The following RAD51B variants were observed in gnomAD, a reference collection of about 807,000 sequenced individuals.
RAD51B encodes RAD51 paralog B.
In RAD51B, 38 loss-of-function variants were observed where a neutral mutation model predicts 42.2. The observed-to-expected ratio is 0.90, with a 90% CI of 0.70 to 1.18. The LOEUF (loss-of-function observed/expected upper bound fraction) is 1.18, where lower values mean the gene tolerates loss of function less well. Ranked by LOEUF, RAD51B falls within the 50% of genes most tolerant of loss-of-function variation. RAD51B has a pLI of 0.00. For synonymous variants in RAD51B, 154 were observed against 145.2 expected (o/e 1.06, Z -0.43); for missense variants, 373 against 400.7 (o/e 0.93, Z 0.59).
At chr14:67,957,817 G>GTA (rs1341875606) in intron 7 of RAD51B, among the ~76,000 whole-genome samples, 7 of 152,112 alleles carry the variant, frequency 4.6e-5, no homozygotes, top group Non-Finnish European at 1.0e-4. Context: ...TTTCGTAAAT[G>GTA]TATACCTTTG....
At chr14:68,557,976 C>A (rs990889766) in intron 10 of RAD51B, among the ~76,000 whole-genome samples, 2 of 152,098 alleles carry the variant, frequency 1.3e-5, no homozygotes, top group Non-Finnish European at 2.9e-5. Flanking sequence ...TTCCTGTGTA[C>A]CACTAAAGCA....
At chr14:68,328,066 A>G (rs976526985) in intron 8 of RAD51B, among the ~76,000 whole-genome samples, 1 of 151,964 alleles carries the variant, frequency 6.6e-6, no homozygotes, top group African/African-American at 2.4e-5. Context: ...TTCCCTTCCT[A>G]TATACCTCAG....
intron 5 of RAD51B, among the ~76,000 whole-genome samples, chr14:67,874,593 G>C (rs1036777732): frequency 3.3e-5 from 5 of 152,076 alleles, no homozygotes; most frequent in Non-Finnish European, 7.4e-5. Flanking sequence ...GACTGCCTTG[G>C]GGAGAGGGGA....
rs2075561338 is a variant in RAD51B, at chr14:68,005,066, T to C, written c.756+117862T>C. ...GTGTGTTTTTTTTTTTTTTTTTTTT[T>C]TTTTTTGAGACAGTGTCTCTCTCTG... On this transcript the variant is annotated intron_variant, in intron 7 of 10. Transcript: ENST00000471583. 2.1e-5 allele frequency among the ~76,000 whole-genome samples: 3 copies of C among 140,782 alleles called. No individual in the cohort carries two copies. In the South Asian group the frequency reaches 7.2e-4, roughly 34 times the overall value. 92.4% of individuals were successfully genotyped at this position (140,782 alleles called of 152,430 possible). A position where few individuals can be genotyped will look rare whatever the true frequency, so the allele number is the denominator to read the frequency against.
At chr14:68,612,371 T>C (rs1179683482), downstream of RAD51B, among the ~76,000 whole-genome samples, 2 of 152,246 alleles carry the variant, frequency 1.3e-5, no homozygotes, top group Non-Finnish European at 2.9e-5. Context: ...GGAGCCCTCC[T>C]GATTCTGTCT....
intron 7 of RAD51B, among the ~76,000 whole-genome samples, chr14:68,201,039 G>A (rs937162927): frequency 9.9e-5 from 15 of 152,084 alleles, no homozygotes; most frequent in African/African-American, 3.1e-4. Flanking sequence ...TCCCAAAGTC[G>A]AAAGTAGTCC....
chr14:68,655,399 C>T (rs1297829306), intron 11 of RAD51B, among the ~76,000 whole-genome samples: 1 of 151,684 alleles, frequency 6.6e-6, no homozygotes, highest in Non-Finnish European at 1.5e-5. Flanking sequence ...GGGAGGGGCT[C>T]AAATAGACGG....
chr14:68,468,147 C>G, intron 9 of RAD51B, 25 bp from the exon 10 acceptor site: 1 of 1,605,386 alleles, frequency 6.2e-7, no homozygotes, highest in Non-Finnish European at 8.5e-7. Context: ...TTGACTAACC[C>G]TAGAAAAATG....
At chr14:68,174,327 A>G (rs1161813538) in intron 7 of RAD51B, among the ~76,000 whole-genome samples, 1 of 151,554 alleles carries the variant, frequency 6.6e-6, no homozygotes, top group African/African-American at 2.4e-5. Flanking sequence ...TAGTGGAGCT[A>G]TGATTGTATC....
At chr14:67,950,931 G>C (rs762780825) in intron 7 of RAD51B, among the ~76,000 whole-genome samples, 9 of 152,146 alleles carry the variant, frequency 5.9e-5, no homozygotes, top group Admixed American at 1.3e-4. Flanking sequence ...GAGAATGGCT[G>C]TCCTGGTGGA....
intron 7 of RAD51B, among the ~76,000 whole-genome samples, chr14:67,913,644 A>C (rs1037928440): frequency 2.0e-4 from 31 of 151,944 alleles, no homozygotes; most frequent in African/African-American, 7.5e-4. Flanking sequence ...ATTATTATTA[A>C]TTTTTTTATT....
chr14:67,935,897 G>A (rs2044923170), intron 7 of RAD51B, among the ~76,000 whole-genome samples: 1 of 152,030 alleles, frequency 6.6e-6, no homozygotes, highest in African/African-American at 2.4e-5. Context: ...CACTATGGCG[G>A]AATTCTATTA....
In RAD51B at chr14:68,099,300, G is replaced by A. The variant is rs75583157; in HGVS notation, c.757-192584G>A. Among the ~76,000 whole-genome samples, 482 of 152,290 alleles carry A rather than the reference G, an allele frequency of 3.2e-3. 2 individuals are homozygous for A. Among genetic ancestry groups the A allele is most frequent in the African/African-American group, 0.011 (460 of 41,550 alleles). The stretch of plus-strand genomic sequence containing the variant: ...TCAGGGATGTGTGAAAGTGTCTTAG[G>A]TGTTCATGTCTTTGACGTTTGACCT... On this transcript the variant is annotated intron_variant, in intron 7 of 10. Transcript: ENST00000471583.
chr14:68,107,967 AC>A (rs2077401334), intron 7 of RAD51B, among the ~76,000 whole-genome samples: 1 of 151,836 alleles, frequency 6.6e-6, no homozygotes, highest in African/African-American at 2.4e-5. Flanking sequence ...AATATGGAGA[AC>A]CCTTATAATA....
At chr14:67,855,397 A>AT (rs375512329) in intron 4 of RAD51B, among the ~76,000 whole-genome samples, 161 of 143,582 alleles carry the variant, frequency 1.1e-3, no homozygotes, top group East Asian at 2.6e-3. Context: ...CGCTTGGCTA[A>AT]TTTTTTTTTT....
chr14:68,624,692 C>T (rs568034901), intron 10 of RAD51B, among the ~76,000 whole-genome samples: 497 of 152,210 alleles, frequency 3.3e-3, no homozygotes, highest in African/African-American at 0.011. Flanking sequence ...TCAGCGCATG[C>T]GTGGGCAGTT....
intron 10 of RAD51B, among the ~76,000 whole-genome samples, chr14:68,575,296 A>T (rs1056202430): frequency 6.6e-6 from 1 of 152,202 alleles, no homozygotes; most frequent in African/African-American, 2.4e-5. Context: ...AAGTTCTCAT[A>T]GCTTCTAAAT....
At chr14:67,908,828 C>T (rs768762935) in intron 7 of RAD51B, 25 of 152,190 alleles carry the variant, frequency 1.6e-4, no homozygotes, top group Non-Finnish European at 3.1e-4. Context: ...AGAGCACGGT[C>T]TAGTGCAGGA....
At chr14:68,167,329 T>C (rs2078773901) in intron 7 of RAD51B, among the ~76,000 whole-genome samples, 1 of 152,198 alleles carries the variant, frequency 6.6e-6, no homozygotes, top group African/African-American at 2.4e-5. Context: ...TTTTATATTT[T>C]AAAACCTAAT....
Sources: gnomAD v4.1 joint callset for allele counts (sites outside exome capture counted in the v4.1 genomes callset) on GRCh38, gnomAD v4.1.1 for gene constraint, MANE v1.5 for transcripts, NCBI Gene and HGNC (gene_info 2026-07-23, HGNC 2026-07-21) for gene names.